Variants in LRRTM4 observed in about 807,000 individuals in gnomAD.
LRRTM4 encodes the protein leucine-rich repeat transmembrane neuronal protein 4.
In LRRTM4, 25 loss-of-function variants were observed where a neutral mutation model predicts 47.6. The ratio of observed to expected loss-of-function variants is 0.53; its 90% CI spans 0.38 to 0.73. The LOEUF is 0.73. Ranked by LOEUF, LRRTM4 falls within the 30% of genes least tolerant of loss-of-function variation. The probability of loss-of-function intolerance (pLI) is 0.00; values close to 1 mark genes in which losing one functional copy is unlikely to be tolerated. For synonymous variants in LRRTM4, 311 were observed against 269.5 expected, an observed-to-expected ratio of 1.15 and a Z score of -1.51; for missense variants, 638 against 713.4, an observed-to-expected ratio of 0.89 and a Z score of 1.20.
chr2:76,781,456 T>C (rs1674385719), intron 3 of LRRTM4, among the ~76,000 whole-genome samples: 1 of 152,204 alleles, frequency 6.6e-6, no homozygotes, highest in South Asian at 2.1e-4. Context: ...AATCTTGTGG[T>C]GGGCCCCTTT....
chr2:77,455,862 A>G (rs1295413222), intron 3 of LRRTM4, among the ~76,000 whole-genome samples: 1 of 152,030 alleles, frequency 6.6e-6, no homozygotes, highest in Non-Finnish European at 1.5e-5. Context: ...CTCTCCCGAT[A>G]TCACTCTCCA....
chr2:76,882,543 TA>T (rs200659670), intron 3 of LRRTM4, among the ~76,000 whole-genome samples: 8,010 of 146,568 alleles, frequency 0.055, 459 homozygotes, highest in African/African-American at 0.14. Context: ...AGTTAAAAAA[TA>T]AAAAAAAAAA....
chr2:76,801,148 C>T (rs973727153), intron 3 of LRRTM4, among the ~76,000 whole-genome samples: 7 of 152,084 alleles, frequency 4.6e-5, no homozygotes, highest in Admixed American at 1.3e-4. Context: ...TTTGACCCAG[C>T]CATCCCATTA....
intron 3 of LRRTM4, among the ~76,000 whole-genome samples, chr2:77,329,704 C>T (rs575548513): frequency 6.6e-6 from 1 of 152,056 alleles, no homozygotes; most frequent in Non-Finnish European, 1.5e-5. Flanking sequence ...TGCCTGCCAC[C>T]AGCAGGATGC....
chr2:77,421,791 C>A (rs375564976), intron 3 of LRRTM4, among the ~76,000 whole-genome samples: 1 of 151,890 alleles, frequency 6.6e-6, no homozygotes, highest in African/African-American at 2.4e-5. Context: ...ATTATCTAGT[C>A]CAAAACCGTC....
At chr2:76,871,829 A>G (rs1195677406) in intron 3 of LRRTM4, among the ~76,000 whole-genome samples, 1 of 152,206 alleles carries the variant, frequency 6.6e-6, no homozygotes, top group Non-Finnish European at 1.5e-5. Context: ...ATGGCAAGGA[A>G]CTGAAGACTA....
At chr2:77,175,030 T>G (rs1185681711) in intron 3 of LRRTM4, among the ~76,000 whole-genome samples, 1 of 152,016 alleles carries the variant, frequency 6.6e-6, no homozygotes, top group African/African-American at 2.4e-5. Flanking sequence ...CAAAGTTAGT[T>G]TCAAATGCTA....
At chr2:76,999,000 CT>C (rs5832267) in intron 3 of LRRTM4, among the ~76,000 whole-genome samples, 37,652 of 151,758 alleles carry the variant, frequency 0.25, 4,866 homozygotes, top group East Asian at 0.41. Context: ...ATCAGTCTAA[CT>C]TAGAGAGCTG....
chr2:76,958,431 A>G (rs796067984), intron 3 of LRRTM4, among the ~76,000 whole-genome samples: 13 of 151,914 alleles, frequency 8.6e-5, no homozygotes, highest in African/African-American at 2.9e-4. Flanking sequence ...ACCCCTACGC[A>G]GAGGAGAAAC....
At chr2:76,750,072 A>G (rs144535789) in intron 3 of LRRTM4, among the ~76,000 whole-genome samples, 214 of 152,308 alleles carry the variant, frequency 1.4e-3, no homozygotes, top group African/African-American at 4.8e-3. Context: ...GGGAGATGGC[A>G]AGACTTGGCA....
chr2:77,057,843 T>C (rs574155170), intron 3 of LRRTM4, among the ~76,000 whole-genome samples: 1 of 152,286 alleles, frequency 6.6e-6, no homozygotes, highest in Admixed American at 6.5e-5. Context: ...GAGATAACTT[T>C]CATGAAGAAT....
chr2:77,508,760 A>C (rs2104097544), intron 3 of LRRTM4, among the ~76,000 whole-genome samples: 1 of 152,232 alleles, frequency 6.6e-6, no homozygotes, highest in Admixed American at 6.5e-5. Context: ...TAACCAATAT[A>C]AATACTTATA....
chr2:77,053,124 C>A (rs370555279), intron 3 of LRRTM4, among the ~76,000 whole-genome samples: 138 of 152,134 alleles, frequency 9.1e-4, no homozygotes, highest in African/African-American at 2.9e-3. Context: ...TTAAAGAAAC[C>A]GTAACTAGTA....
intron 3 of LRRTM4, among the ~76,000 whole-genome samples, chr2:76,803,922 C>G (rs971176487): frequency 3.3e-5 from 5 of 152,132 alleles, no homozygotes; most frequent in South Asian, 2.1e-4. Flanking sequence ...ATGACTAGCA[C>G]GCAACAAAAA....
intron 3 of LRRTM4, among the ~76,000 whole-genome samples, chr2:76,801,285 C>T (rs1675663860): frequency 6.6e-6 from 1 of 151,970 alleles, no homozygotes; most frequent in Non-Finnish European, 1.5e-5. Context: ...CAATGATAGA[C>T]TGGATTAAGA....
intron 3 of LRRTM4, among the ~76,000 whole-genome samples, chr2:77,260,967 C>A (rs1675904297): frequency 6.6e-6 from 1 of 151,164 alleles, no homozygotes; most frequent in African/African-American, 2.5e-5. Flanking sequence ...ATATATTATA[C>A]TTCTTCCATA....
intron 3 of LRRTM4, among the ~76,000 whole-genome samples, chr2:77,295,148 A>G (rs1676935299): frequency 6.6e-6 from 1 of 152,132 alleles, no homozygotes; most frequent in South Asian, 2.1e-4. Context: ...CTTTCTGGAA[A>G]TGCAGATATG....
chr2:77,323,848 G>A (rs897984814), intron 3 of LRRTM4, among the ~76,000 whole-genome samples: 2 of 152,030 alleles, frequency 1.3e-5, no homozygotes, highest in African/African-American at 4.8e-5. Flanking sequence ...AACTTCAGTA[G>A]TTCTTAATTT....
intron 3 of LRRTM4, among the ~76,000 whole-genome samples, chr2:77,485,897 A>ATTTT (rs70956636): frequency 0.046 from 6,875 of 148,158 alleles, 314 homozygotes; most frequent in Admixed American, 0.16. Flanking sequence ...CAGTCGGCTA[A>ATTTT]TTTTTTTTTT....
Sources: allele counts gnomAD v4.1 joint callset (sites outside exome capture counted in the v4.1 genomes callset), GRCh38; gene constraint gnomAD v4.1.1; transcripts MANE v1.5; gene names NCBI Gene and HGNC (gene_info 2026-07-23, HGNC 2026-07-21).